The following WDR17 variants were observed in gnomAD, a reference collection of about 807,000 sequenced individuals.
WDR17 encodes WD repeat-containing protein 17.
A neutral mutation model predicts 161.7 loss-of-function variants in WDR17; 143 were observed. The observed-to-expected ratio is 0.88, with a 90% confidence interval of 0.77 to 1.02. The LOEUF (loss-of-function observed/expected upper bound fraction) is 1.02, where lower values mean the gene tolerates loss of function less well. Ranked by LOEUF, WDR17 falls within the 50% of genes least tolerant of loss-of-function variation. WDR17 has a pLI of 0.00. For synonymous variants in WDR17, 517 were observed against 515.6 expected, an observed-to-expected ratio of 1.00 and a Z score of -0.04; for missense variants, 1,469 against 1,520.9, an observed-to-expected ratio of 0.97 and a Z score of 0.57.
In WDR17 at chr4:176,179,483, C is replaced by T. The variant is rs142280699; in HGVS notation, c.3756C>T (p.Asp1252=). ...AGGGCCCTGTGTTTTTCCTTGAAGACGGGAAATCTGCTATCTCCTTGAATG... is the reference window on the plus strand; with the variant it reads ...AGGGCCCTGTGTTTTTCCTTGAAGATGGGAAATCTGCTATCTCCTTGAATG... The part of the protein sequence containing the change: ...KIQGPVFFLE[D]GKSAISLNDA... Residue 1252 remains aspartate (D), a synonymous_variant, in exon 29 of 29, where the codon GAC becomes GAT. Coordinates refer to ENST00000508596, the MANE Select transcript of WDR17 (RefSeq NM_181265.4). The T allele has an allele frequency of 3.8e-4, 602 of 1,599,194 alleles. 3 individuals are homozygous for T. The African/African-American group carries it at 5.7e-3, about 15-fold the overall frequency.
chr4:176,120,319 T>TATATATATATAA (rs1491272016), intron 4 of WDR17, among the ~76,000 whole-genome samples: 19 of 138,792 alleles, frequency 1.4e-4, no homozygotes, highest in African/African-American at 5.0e-4. Context: ...TATATATATA[T>TATATATATATAA]AATACATTCA....
chr4:176,123,919 G>A (rs1742010957), intron 4 of WDR17, among the ~76,000 whole-genome samples: 2 of 152,158 alleles, frequency 1.3e-5, no homozygotes, highest in African/African-American at 4.8e-5. Flanking sequence ...AAGCCACCTA[G>A]TGGCCACCAG....
chr4:176,146,470 G>T (rs1177490046), intron 12 of WDR17, among the ~76,000 whole-genome samples: 1 of 152,174 alleles, frequency 6.6e-6, no homozygotes, highest in Non-Finnish European at 1.5e-5. Flanking sequence ...TGTAGGTTAT[G>T]ACTTGAAATA....
At chr4:176,166,206 T>C in intron 22 of WDR17, 1 of 524,048 alleles carries the variant, frequency 1.9e-6, no homozygotes, top group Non-Finnish European at 3.2e-6. Context: ...TTTATTTTAT[T>C]ATTTGAATAC....
chr4:176,132,215 A>G (rs186606047), intron 7 of WDR17, among the ~76,000 whole-genome samples: 2 of 152,246 alleles, frequency 1.3e-5, no homozygotes, highest in Admixed American at 1.3e-4. Context: ...AAGATAGAAT[A>G]CAACCTCCTT....
chr4:176,111,879 A>C (rs35723350), intron 2 of WDR17, among the ~76,000 whole-genome samples, 176 bp downstream of exon 2: 32,803 of 152,084 alleles, frequency 0.22, 3,706 homozygotes, highest in South Asian at 0.27. Flanking sequence ...ACCTTTAGAA[A>C]ACACTTACAT....
intron 1 of WDR17, among the ~76,000 whole-genome samples, chr4:176,096,188 T>C (rs1736827831): frequency 6.6e-6 from 1 of 152,102 alleles, no homozygotes; most frequent in African/African-American, 2.4e-5. Context: ...TTGGTAACTT[T>C]TAGAAATCAT....
rs986435608 is a variant in WDR17, at chr4:176,131,479, T to A, written c.914-75T>A. ...TTTACTGGTACAGATTCTGGATTTTTTTTTTAATGAAGAATCTTTCTAAAT... is the reference window on the plus strand; with the variant it reads ...TTTACTGGTACAGATTCTGGATTTTATTTTTAATGAAGAATCTTTCTAAAT... On this transcript the variant is annotated intron_variant, in intron 6 of 28. Transcript: ENST00000508596. 4 of 1,394,736 alleles carry A rather than the reference T, an allele frequency of 2.9e-6. No individual in the cohort carries two copies. In the South Asian group the frequency reaches 6.0e-5, roughly 21 times the overall value. 86.4% of individuals were successfully genotyped at this position (1,394,736 alleles called of 1,614,324 possible). A position where few individuals can be genotyped will look rare whatever the true frequency, so the allele number is the denominator to read the frequency against.
intron 1 of WDR17, among the ~76,000 whole-genome samples, chr4:176,086,291 A>ATAT (rs1417421088): frequency 6.6e-6 from 1 of 151,988 alleles, no homozygotes; most frequent in African/African-American, 2.4e-5. Context: ...AGTATCATAT[A>ATAT]TATGTCAGTT....
At chr4:176,162,947 T>C (rs535402696) in intron 21 of WDR17, among the ~76,000 whole-genome samples, 4 of 152,104 alleles carry the variant, frequency 2.6e-5, no homozygotes, top group Non-Finnish European at 5.9e-5. Flanking sequence ...CTAAAAAAAA[T>C]TTCTGTATGT....
chr4:176,131,244 T>C (rs1454057327), intron 6 of WDR17, among the ~76,000 whole-genome samples: 1 of 152,164 alleles, frequency 6.6e-6, no homozygotes, highest in African/African-American at 2.4e-5. Context: ...AGGAAGTTTA[T>C]AATTCAGAAA....
intron 4 of WDR17, among the ~76,000 whole-genome samples, chr4:176,124,460 C>T (rs1193543987): frequency 4.6e-5 from 7 of 152,024 alleles, no homozygotes; most frequent in African/African-American, 7.2e-5. Context: ...AATGGTAAGA[C>T]GAATGAGAAA....
intron 1 of WDR17, among the ~76,000 whole-genome samples, chr4:176,092,017 T>C (rs1446983444): frequency 6.6e-6 from 1 of 151,980 alleles, no homozygotes; most frequent in African/African-American, 2.4e-5. Flanking sequence ...TTACCAAACA[T>C]TTAAAGAAAA....
At chr4:176,127,547 C>T (rs1190970346) in intron 5 of WDR17, among the ~76,000 whole-genome samples, 1 of 152,218 alleles carries the variant, frequency 6.6e-6, no homozygotes, top group Non-Finnish European at 1.5e-5. Flanking sequence ...CCACCTGCCT[C>T]AGCCTCCCAA....
intron 18 of WDR17, among the ~76,000 whole-genome samples, chr4:176,158,182 G>A (rs1423169498): frequency 2.6e-5 from 4 of 152,178 alleles, no homozygotes; most frequent in African/African-American, 4.8e-5. Context: ...ATCCGCACAA[G>A]CTAAAATATC....
Position 176,174,705 on chromosome 4 carries a change from T to C in WDR17, c.3436T>C (p.Tyr1146His). ...RQYQSIVPAL[Y>H]EYTSQLLKRR... ...GTACCAAAGCATTGTTCCAGCACTT[T>C]ATGAGTACACAAGGTAAAAAAGGTT... Residue 1146 changes from tyrosine to histidine, a missense_variant, in exon 26 of 29, where the codon TAT becomes CAT. By Grantham distance (83) the Tyr-to-His change is moderately conservative (BLOSUM62 2). Coordinates refer to ENST00000508596, the MANE Select transcript of WDR17 (RefSeq NM_181265.4). The C allele has an allele frequency of 6.2e-7, 1 of 1,608,106 alleles. No individual in the cohort carries two copies. The highest frequency in any genetic ancestry group is 1.1e-5 in the South Asian group (1 of 90,074).
chr4:176,086,181 A>C (rs527984311), intron 1 of WDR17, among the ~76,000 whole-genome samples: 7 of 151,994 alleles, frequency 4.6e-5, no homozygotes, highest in African/African-American at 1.4e-4. Context: ...CAGCGTTTTA[A>C]AGTTTGGTTA....
chr4:176,093,764 G>C (rs965605148), intron 1 of WDR17, among the ~76,000 whole-genome samples: 1 of 151,664 alleles, frequency 6.6e-6, no homozygotes, highest in African/African-American at 2.4e-5. Context: ...GGAGGGGTGA[G>C]AGTTAAAACC....
At chr4:176,163,835 C>A (rs982950671) in intron 22 of WDR17, among the ~76,000 whole-genome samples, 6 of 152,130 alleles carry the variant, frequency 3.9e-5, no homozygotes, top group African/African-American at 1.4e-4. Flanking sequence ...TCTGCAGAGC[C>A]CTGGCCTTAA....
Sources: gnomAD v4.1 joint callset for allele counts (sites outside exome capture counted in the v4.1 genomes callset) on GRCh38, gnomAD v4.1.1 for gene constraint, MANE v1.5 for transcripts, NCBI Gene and HGNC (gene_info 2026-07-23, HGNC 2026-07-21) for gene names.